Variants in VCL observed in about 807,000 individuals in gnomAD.
VCL encodes epididymis luminal protein 114.
Under a neutral mutation model 125.7 loss-of-function variants are expected in VCL, and 47 were observed. That is an observed-to-expected ratio of 0.37 (90% CI 0.30 to 0.48). VCL has a LOEUF of 0.48. Among genes scored for constraint, VCL ranks in the 20% least tolerant of loss-of-function variants. VCL has a pLI of 0.99. For synonymous variants in VCL, 458 were observed against 514.6 expected (o/e 0.89, Z 1.49); for missense variants, 1,069 against 1,455.5 (o/e 0.73, Z 4.32).
intron 6 of VCL, among the ~76,000 whole-genome samples, chr10:74,078,650 A>G (rs936651572): frequency 6.6e-6 from 1 of 152,190 alleles, no homozygotes; most frequent in Admixed American, 6.5e-5. Flanking sequence ...ACTCATAGGT[A>G]GCATAGATTT....
At chr10:74,076,819 C>T (rs1013806002) in intron 6 of VCL, 2 of 152,666 alleles carry the variant, frequency 1.3e-5, no homozygotes, top group African/African-American at 4.8e-5. Context: ...CGCTTATTCT[C>T]TTTCTTTTGC....
chr10:74,011,558 TA>T (rs2136227323), intron 1 of VCL, among the ~76,000 whole-genome samples: 1 of 152,298 alleles, frequency 6.6e-6, no homozygotes, highest in Non-Finnish European at 1.5e-5. Context: ...TTAAGTGTGT[TA>T]TGTTCTGATA....
chr10:74,107,444 A>G, intron 17 of VCL, 90 bp downstream of exon 17: 1 of 1,597,380 alleles, frequency 6.3e-7, no homozygotes, highest in Non-Finnish European at 8.6e-7. Context: ...AGCCTCCATC[A>G]CTAGGTGGCT....
At chr10:74,074,554 CTTTTTTTA>C (rs1158745962) in intron 5 of VCL, among the ~76,000 whole-genome samples, 181 bp from the exon 6 acceptor site, 1 of 151,896 alleles carries the variant, frequency 6.6e-6, no homozygotes, top group African/African-American at 2.4e-5. Context: ...TTTTCTTTTT[CTTTTTTTA>C]TTTTTACAAT....
chr10:74,051,558 G>T (rs1208261365), intron 2 of VCL, among the ~76,000 whole-genome samples: 1 of 152,228 alleles, frequency 6.6e-6, no homozygotes, highest in Non-Finnish European at 1.5e-5. Context: ...TCAGTAAGGT[G>T]TTGAAAGTTA....
At chr10:74,020,660 G>A (rs371549001) in intron 1 of VCL, among the ~76,000 whole-genome samples, 1 of 151,988 alleles carries the variant, frequency 6.6e-6, no homozygotes, top group Non-Finnish European at 1.5e-5. Context: ...GGGCAACATG[G>A]CGAAACCCTG....
Position 74,118,179 on chromosome 10 carries a change from T to G in VCL, c.*10T>G. On this transcript the variant is annotated 3_prime_UTR_variant, in exon 22 of 22. Coordinates refer to ENST00000211998, the MANE Select transcript of VCL (RefSeq NM_014000.3). ...TCCCTGGTACCAGTAGGCACCTGGC[T>G]GAGCCTGGCTGGCACAGAAACCTCT... 6.2e-7 allele frequency: 1 copy of G among 1,614,102 alleles called. No homozygotes were observed. The highest frequency in any genetic ancestry group is 8.5e-7 in the Non-Finnish European group (1 of 1,179,980).
chr10:74,002,593 G>A (rs1840247104), intron 1 of VCL, among the ~76,000 whole-genome samples: 1 of 150,878 alleles, frequency 6.6e-6, no homozygotes, highest in Admixed American at 6.6e-5. Context: ...GGTAAGAAAG[G>A]TATTACTTGG....
At chr10:74,065,261 C>T (rs1362304449) in intron 2 of VCL, among the ~76,000 whole-genome samples, 1 of 151,926 alleles carries the variant, frequency 6.6e-6, no homozygotes, top group Non-Finnish European at 1.5e-5. Flanking sequence ...CTCAGCCTCC[C>T]AAGTAGCTGG....
intron 1 of VCL, among the ~76,000 whole-genome samples, chr10:74,015,328 G>A (rs1840517110): frequency 6.6e-6 from 1 of 152,198 alleles, no homozygotes; most frequent in Admixed American, 6.5e-5. Flanking sequence ...CCAGGCGGGT[G>A]GATCGCTTGA....
At chr10:74,093,311 A>C (rs1839918190) in intron 10 of VCL, among the ~76,000 whole-genome samples, 1 of 151,964 alleles carries the variant, frequency 6.6e-6, no homozygotes, top group Admixed American at 6.6e-5. Context: ...CAAAACAAAC[A>C]AAAAAAAGTG....
At chr10:74,108,929 T>C (rs781486887) in intron 17 of VCL, 42 bp from the exon 18 acceptor site, 2 of 1,608,786 alleles carry the variant, frequency 1.2e-6, no homozygotes, top group Non-Finnish European at 1.7e-6. Context: ...CAGGGGGGAG[T>C]AGTTTTAGGA....
intron 1 of VCL, among the ~76,000 whole-genome samples, chr10:74,031,955 T>C (rs963210340): frequency 6.7e-6 from 1 of 150,108 alleles, no homozygotes; most frequent in Non-Finnish European, 1.5e-5. Flanking sequence ...TCCCAGCTAC[T>C]TGGGAGGCTG....
At chr10:74,050,372 T>G (rs1309441056) in intron 2 of VCL, among the ~76,000 whole-genome samples, 2 of 152,244 alleles carry the variant, frequency 1.3e-5, no homozygotes, top group Non-Finnish European at 2.9e-5. Flanking sequence ...TTGGGAATTC[T>G]TTGTTTTAAC....
In VCL at chr10:74,095,678, T is replaced by C. The variant is rs1839956699; in HGVS notation, c.1566T>C (p.Leu522=). The part of the protein sequence containing the change: ...RGVGQAAIRG[L]VAEGHRLANV... ...CAGGTCAGGCTGCCATCCGGGGGCT[T>C]GTGGCCGAAGGGCATCGTCTGGCTA... is the stretch of plus-strand genomic sequence containing the variant. The change falls in exon 12 of 22, where the codon CTT becomes CTC. Residue 522 remains leucine (L), a synonymous_variant. Coordinates refer to ENST00000211998, the MANE Select transcript of VCL (RefSeq NM_014000.3). 1 of 1,614,104 alleles carries C rather than the reference T, an allele frequency of 6.2e-7. No homozygotes were observed.
intron 2 of VCL, among the ~76,000 whole-genome samples, chr10:74,066,753 C>T (rs1011630616): frequency 6.6e-6 from 1 of 151,136 alleles, no homozygotes; most frequent in Non-Finnish European, 1.5e-5. Flanking sequence ...CTCACTGTAA[C>T]CTCTGCCTCC....
intron 1 of VCL, among the ~76,000 whole-genome samples, chr10:74,014,552 A>C (rs1038928825): frequency 6.9e-6 from 1 of 145,270 alleles, no homozygotes; most frequent in African/African-American, 2.5e-5. Flanking sequence ...TATTTTCTTA[A>C]AAAAAAAAAA....
chr10:74,109,703 G>A (rs932010067), intron 18 of VCL, among the ~76,000 whole-genome samples: 5 of 151,956 alleles, frequency 3.3e-5, no homozygotes, highest in South Asian at 2.1e-4. Flanking sequence ...AAATCTGAAG[G>A]TGTAAATATT....
At chr10:74,103,558 G>A (rs917083519) in intron 14 of VCL, among the ~76,000 whole-genome samples, 4 of 152,186 alleles carry the variant, frequency 2.6e-5, no homozygotes, top group Admixed American at 2.6e-4. Flanking sequence ...ATGTTCTTCT[G>A]AAGTATCAAG....
Sources: gnomAD v4.1 joint callset for allele counts (sites outside exome capture counted in the v4.1 genomes callset) on GRCh38, gnomAD v4.1.1 for gene constraint, MANE v1.5 for transcripts, NCBI Gene and HGNC (gene_info 2026-07-23, HGNC 2026-07-21) for gene names.